The following PATL2 variants were observed in gnomAD, a reference collection of about 807,000 sequenced individuals.
PATL2 encodes the protein protein PAT1 homolog 2.
PATL2 carries 73 observed loss-of-function variants against 77.0 expected under a neutral mutation model. The observed-to-expected ratio is 0.95, with a 90% CI of 0.78 to 1.15. PATL2 has a LOEUF of 1.15. PATL2 is among the 50% of genes most tolerant of loss of function. The pLI is 0.00. For missense variants in PATL2, 618 were observed against 655.4 expected, an observed-to-expected ratio of 0.94 and a Z score of 0.62; for synonymous variants, 265 against 257.1, an observed-to-expected ratio of 1.03 and a Z score of -0.29.
At chr15:44,666,851 C>A (rs913331866) in intron 16 of PATL2, 4 of 513,464 alleles carry the variant, frequency 7.8e-6, no homozygotes, top group Non-Finnish European at 1.4e-5. Flanking sequence ...GTAAGTGATA[C>A]AGCCAGAATT....
intron 3 of PATL2, among the ~76,000 whole-genome samples, chr15:44,684,634 A>C (rs1334462191): frequency 6.6e-6 from 1 of 152,220 alleles, no homozygotes; most frequent in African/African-American, 2.4e-5. Context: ...GTGTACCCGA[A>C]AGTGATGGGG....
intron 3 of PATL2, among the ~76,000 whole-genome samples, chr15:44,700,763 T>C (rs2086611178): frequency 1.3e-5 from 2 of 152,236 alleles, no homozygotes; most frequent in Admixed American, 1.3e-4. Context: ...TTTATTTCTT[T>C]CTCTTGTCTG....
rs1441986900 is a variant in PATL2, at chr15:44,673,222, C to G, written c.446+13G>C. 18 of 1,550,792 alleles carry G rather than the reference C, an allele frequency of 1.2e-5. No homozygotes were observed. The Admixed American group carries it at 1.4e-4, about 12-fold the overall frequency. Reference sequence around the variant, plus strand: ...ACCTCCTGAGACCTCTGGGGAGAACCTCAAACCAGTACCTGAACCTAGGGG... The same window carrying G: ...ACCTCCTGAGACCTCTGGGGAGAACGTCAAACCAGTACCTGAACCTAGGGG... On this transcript the variant is annotated intron_variant, in intron 7 of 17. Coordinates refer to ENST00000682850, the MANE Select transcript of PATL2 (RefSeq NM_001387263.1).
At chr15:44,667,249 C>G (rs770926694) in intron 15 of PATL2, 46 bp from the exon 16 acceptor site, 1 of 1,393,456 alleles carries the variant, frequency 7.2e-7, no homozygotes, top group African/African-American at 1.4e-5. Flanking sequence ...AGTTCACACT[C>G]GGCATTTGGT....
At chr15:44,677,411 A>C (rs2086007719) in intron 3 of PATL2, among the ~76,000 whole-genome samples, 1 of 152,228 alleles carries the variant, frequency 6.6e-6, no homozygotes, top group Non-Finnish European at 1.5e-5. Context: ...TGGAAGTCAG[A>C]TCTTCATGGT....
At chr15:44,686,380 A>C (rs1304379938) in intron 3 of PATL2, among the ~76,000 whole-genome samples, 2 of 152,236 alleles carry the variant, frequency 1.3e-5, no homozygotes, top group Non-Finnish European at 2.9e-5. Context: ...GACACAACGT[A>C]CCAGCATCTC....
intron 9 of PATL2, 147 bp downstream of exon 9, chr15:44,671,868 G>A: frequency 1.0e-6 from 1 of 997,984 alleles, no homozygotes. Flanking sequence ...GTCAATTTTA[G>A]AAATACGGCC....
intron 6 of PATL2, among the ~76,000 whole-genome samples, chr15:44,673,747 CT>C (rs10714081): frequency 0.99 from 150,873 of 152,328 alleles, 74,730 homozygotes; most frequent in Middle Eastern, 1. Context: ...CCTCAGAGCT[CT>C]TAATTCCTTC....
intron 17 of PATL2, 75 bp from the exon 18 acceptor site, chr15:44,666,046 ACT>A: frequency 7.5e-7 from 1 of 1,325,964 alleles, no homozygotes; most frequent in Non-Finnish European, 1.0e-6. Flanking sequence ...TTAGTATCTG[ACT>A]CTTTCTAGCA....
chr15:44,689,393 T>A (rs1202069807), intron 3 of PATL2, among the ~76,000 whole-genome samples: 1 of 152,196 alleles, frequency 6.6e-6, no homozygotes, highest in East Asian at 1.9e-4. Flanking sequence ...ATCATGCTGC[T>A]ATAAAGACAC....
intron 5 of PATL2, chr15:44,675,273 T>C (rs2085896213): frequency 1.7e-6 from 1 of 592,360 alleles, no homozygotes; most frequent in Non-Finnish European, 2.9e-6. Flanking sequence ...TAGGACCTGG[T>C]TTTAAGGCGA....
chr15:44,674,170 A>T lies in PATL2; in HGVS notation c.283T>A (p.Ser95Thr). 6.5e-7 allele frequency: 1 copy of T among 1,550,198 alleles called. No individual in the cohort carries two copies. The highest frequency in any genetic ancestry group is 8.7e-7 in the Non-Finnish European group (1 of 1,145,658). Residue 95 changes from serine to threonine, a missense_variant, in exon 6 of 18, where the codon TCC becomes ACC. Transcript: ENST00000682850. The stretch of plus-strand genomic sequence containing the variant: ...CTCACCTGCCACAGAAAATGCAAGG[A>T]GGCAAGTGACATTCCCAGCATACCA... ...APGMLGMSLA[S>T]LHFLWQTLDY... is the part of the protein sequence containing the mutation.
At chr15:44,694,056 C>T (rs989837666) in intron 3 of PATL2, among the ~76,000 whole-genome samples, 4 of 152,094 alleles carry the variant, frequency 2.6e-5, no homozygotes, top group African/African-American at 9.7e-5. Context: ...TGGAAAATAT[C>T]AATATTTTAT....
At chr15:44,675,898 T>C in intron 4 of PATL2, 1 of 548,060 alleles carries the variant, frequency 1.8e-6, no homozygotes, top group Non-Finnish European at 3.2e-6. Flanking sequence ...AAATGGAACC[T>C]GAGCCAGGTG....
At chr15:44,698,225 A>G (rs2086553617) in intron 3 of PATL2, among the ~76,000 whole-genome samples, 1 of 151,920 alleles carries the variant, frequency 6.6e-6, no homozygotes, top group Non-Finnish European at 1.5e-5. Flanking sequence ...TACCCCAAGC[A>G]TTTATCCTTT....
chr15:44,693,454 T>C (rs1216642807), intron 3 of PATL2, among the ~76,000 whole-genome samples: 2 of 152,198 alleles, frequency 1.3e-5, no homozygotes, highest in Non-Finnish European at 2.9e-5. Context: ...ACCATTCTTC[T>C]GCAGTCACAT....
At chr15:44,679,552 C>CTTTTTTTTT (rs545161525) in intron 3 of PATL2, among the ~76,000 whole-genome samples, 5 of 114,334 alleles carry the variant, frequency 4.4e-5, no homozygotes, top group Admixed American at 1.8e-4. Flanking sequence ...TTTTCTTTTT[C>CTTTTTTTTT]TTTTTTTTTT....
intron 3 of PATL2, among the ~76,000 whole-genome samples, chr15:44,694,266 G>C (rs1054101613): frequency 6.6e-6 from 1 of 152,148 alleles, no homozygotes; most frequent in Non-Finnish European, 1.5e-5. Context: ...CAGAGGGGCA[G>C]TCCCACCTCA....
In PATL2 at chr15:44,688,235, G is replaced by T. The variant is rs550694028; in HGVS notation, c.-75-11670C>A. 3.0e-3 allele frequency among the ~76,000 whole-genome samples: 395 copies of T among 131,668 alleles called. 3 individuals are homozygous for T. Among genetic ancestry groups the T allele is most frequent in the African/African-American group, 0.011 (384 of 33,762 alleles). The allele number at this position is 131,668 out of a possible 152,430, so 86.4% of individuals were successfully genotyped here. On this transcript the variant is annotated intron_variant, in intron 3 of 17. Transcript: ENST00000682850. ...CACTCCAGCCTGGGTGACAGAGCGAGACTCTGTCTCAAAAAAAAAAAAAAA... is the reference window on the plus strand; with the variant it reads ...CACTCCAGCCTGGGTGACAGAGCGATACTCTGTCTCAAAAAAAAAAAAAAA...
Sources: gnomAD v4.1 joint callset for allele counts (sites outside exome capture counted in the v4.1 genomes callset) on GRCh38, gnomAD v4.1.1 for gene constraint, MANE v1.5 for transcripts, NCBI Gene and HGNC (gene_info 2026-07-23, HGNC 2026-07-21) for gene names.